DENND2B: variants seen among roughly 807,000 people sequenced by gnomAD.
The protein encoded by DENND2B is DENN domain containing 2B, also known as DENN domain-containing protein 2B.
In DENND2B, 32 loss-of-function variants were observed where a neutral mutation model predicts 116.0. That is an observed-to-expected ratio of 0.28 (90% CI 0.21 to 0.37). DENND2B has a LOEUF of 0.37. Ranked by LOEUF, DENND2B falls within the 10% of genes least tolerant of loss-of-function variation. The probability of loss-of-function intolerance (pLI) is 1.00; values close to 1 mark genes in which losing one functional copy is unlikely to be tolerated. For synonymous variants in DENND2B, 588 were observed against 583.9 expected, an observed-to-expected ratio of 1.01 and a Z score of -0.10; for missense variants, 1,276 against 1,477.7, an observed-to-expected ratio of 0.86 and a Z score of 2.24.
rs555955590 is a variant in DENND2B, at chr11:8,798,236, C to T, written c.-26+12281G>A. On this transcript the variant is annotated intron_variant, in intron 1 of 19. Transcript: ENST00000313726. Reference sequence around the variant, plus strand: ...TAGTTATCTCTACCTCCTCGGCATACAGAACAAAACCTAGAACAGAAGGAA... The same window carrying T: ...TAGTTATCTCTACCTCCTCGGCATATAGAACAAAACCTAGAACAGAAGGAA... 1.1e-3 allele frequency among the ~76,000 whole-genome samples: 166 copies of T among 152,316 alleles called. 1 individual carries two copies. Among genetic ancestry groups the T allele is most frequent in the African/African-American group, 3.8e-3 (157 of 41,576 alleles).
At chr11:8,842,382 A>G (rs1208850603) in intron 3 of DENND2B, among the ~76,000 whole-genome samples, 3 of 152,154 alleles carry the variant, frequency 2.0e-5, no homozygotes, top group African/African-American at 7.2e-5. Context: ...CAGAACATCT[A>G]TTTAATGGTA....
chr11:8,821,015 G>A (rs906988623), intron 4 of DENND2B, among the ~76,000 whole-genome samples: 8 of 151,932 alleles, frequency 5.3e-5, no homozygotes, highest in African/African-American at 1.9e-4. Context: ...CAGCTACTTA[G>A]GAGGCCGAGG....
intron 1 of DENND2B, among the ~76,000 whole-genome samples, chr11:8,766,346 G>T (rs950637286): frequency 2.6e-5 from 4 of 152,066 alleles, no homozygotes; most frequent in African/African-American, 9.7e-5. Context: ...CAGCCCAGGC[G>T]CCTGCACATC....
At chr11:8,801,771 A>G (rs2134417651) in intron 1 of DENND2B, among the ~76,000 whole-genome samples, 1 of 151,426 alleles carries the variant, frequency 6.6e-6, no homozygotes, top group African/African-American at 2.4e-5. Context: ...TGGAAAGCCG[A>G]GGTGGGCGGA....
At chr11:8,904,318 C>T (rs1173063065) in intron 1 of DENND2B, among the ~76,000 whole-genome samples, 1 of 152,104 alleles carries the variant, frequency 6.6e-6, no homozygotes, top group Non-Finnish European at 1.5e-5. Flanking sequence ...GTCTGAAAAA[C>T]TTCAAAAATC....
rs995323000 is a variant in DENND2B at position 8,695,764 on chromosome 11, T to G, written c.3293-215A>C. 58 of 572,258 alleles carry G rather than the reference T, an allele frequency of 1.0e-4. No individual in the cohort carries two copies. In the East Asian group the frequency reaches 1.5e-3, roughly 15 times the overall value. 35.4% of individuals were successfully genotyped at this position (572,258 alleles called of 1,614,324 possible). On this transcript the variant is annotated intron_variant, in intron 18 of 19. Transcript: ENST00000313726. Reference sequence around the variant, plus strand: ...CGGGGTTTGCTGCTGCCACCCTGCCTCCCCATGCACATTCCCAAGCTGCAC... The same window carrying G: ...CGGGGTTTGCTGCTGCCACCCTGCCGCCCCATGCACATTCCCAAGCTGCAC...
rs893466106 is a variant in DENND2B at position 8,726,180 on chromosome 11, C to A, written c.1370G>T (p.Ser457Ile). 5 of 1,612,310 alleles carry A rather than the reference C, an allele frequency of 3.1e-6. No homozygotes were observed. The highest frequency in any genetic ancestry group is 4.2e-6 in the Non-Finnish European group (5 of 1,179,332). The change falls in exon 4 of 20, where the codon AGT becomes ATT. Residue 457 changes from serine to isoleucine, a missense_variant. By Grantham distance (142) the Ser-to-Ile change is moderately radical. This residue lies in a region of DENND2B where 856 missense variants were observed against 846.6 expected (regional missense o/e 1.01). Coordinates refer to ENST00000313726, the MANE Select transcript of DENND2B (RefSeq NM_213618.2). ...RKSFEFEDASSLQSLYPSSPT... is the reference protein window; with the variant it reads ...RKSFEFEDASILQSLYPSSPT... ...AGAAGAGGGGTACAGGGACTGGAGA[C>A]TGGATGCATCCTCAAACTCAAAGGA...
At chr11:8,901,158 C>T (rs2064163043) in intron 1 of DENND2B, among the ~76,000 whole-genome samples, 1 of 151,644 alleles carries the variant, frequency 6.6e-6, no homozygotes, top group South Asian at 2.1e-4. Flanking sequence ...TATACCCTTC[C>T]TCCTGCTTCC....
chr11:8,729,659 G>C (rs562819917), intron 3 of DENND2B, among the ~76,000 whole-genome samples: 1 of 152,254 alleles, frequency 6.6e-6, no homozygotes, highest in South Asian at 2.1e-4. Context: ...GCTACAACAG[G>C]GGCAGGACAC....
At chr11:8,761,605 C>A (rs2054641245) in intron 1 of DENND2B, among the ~76,000 whole-genome samples, 1 of 152,144 alleles carries the variant, frequency 6.6e-6, no homozygotes, top group South Asian at 2.1e-4. Flanking sequence ...GTGTCCCTTG[C>A]CCCCCATTCT....
chr11:8,695,403 A>G (rs2040184213), intron 19 of DENND2B, 60 bp downstream of exon 19: 5 of 1,504,568 alleles, frequency 3.3e-6, no homozygotes, highest in African/African-American at 1.4e-5. Flanking sequence ...CGGGAACACA[A>G]ATCTCCCAGC....
intron 4 of DENND2B, chr11:8,832,451 CAA>C (rs10715263): frequency 1.2e-3 from 123 of 100,636 alleles, no homozygotes; most frequent in East Asian, 6.6e-3. Flanking sequence ...ACTCTGTCTC[CAA>C]AAAAAAAAAA....
rs1408013709 is a variant in DENND2B, at chr11:8,782,811, C to A, written c.-26+27706G>T. 5.5e-5 allele frequency among the ~76,000 whole-genome samples: 8 copies of A among 145,606 alleles called. No homozygotes were observed. In the Admixed American group the frequency reaches 5.7e-4, roughly 10 times the overall value. On this transcript the variant is annotated intron_variant, in intron 1 of 19. Transcript: ENST00000313726. ...CTGAGGCAGGAGAATGGCATGAACC[C>A]AGGAAGCAGAGCTTGCAGTGAGCCG...
Position 8,730,831 on chromosome 11 carries a change from G to A in DENND2B, c.459C>T (p.Thr153=), listed in dbSNP as rs1305933262. ...GGCTGTGGGCGCGGGTACCGGTACG[G>A]GTCAGCAAGACGCCCCGGGGGCCAG... ...PAAGPRGVLL[T]RTGTRAHSLG... is the part of the protein sequence containing the mutation. Residue 153 remains threonine, a synonymous_variant, in exon 3 of 20, where the codon ACC becomes ACT. Transcript: ENST00000313726. The surrounding 1 kb of genome is among the most constrained non-coding windows in gnomAD (Gnocchi z 4.1). 1.2e-6 allele frequency: 2 copies of A among 1,613,250 alleles called. No individual in the cohort carries two copies. Among genetic ancestry groups the A allele is most frequent in the African/African-American group, 1.3e-5 (1 of 75,060 alleles).
intron 1 of DENND2B, among the ~76,000 whole-genome samples, chr11:8,884,124 T>C (rs2063932519): frequency 6.6e-6 from 1 of 152,196 alleles, no homozygotes; most frequent in Admixed American, 6.5e-5. Context: ...CAGAAGTTGC[T>C]CTCTCACTCC....
At chr11:8,828,644 G>A (rs2062071285) in intron 4 of DENND2B, among the ~76,000 whole-genome samples, 2 of 152,116 alleles carry the variant, frequency 1.3e-5, no homozygotes, top group South Asian at 4.1e-4. Context: ...TAGGAAACAA[G>A]GACTCGGAGG....
At chr11:8,797,084 G>C (rs1381090184) in intron 1 of DENND2B, among the ~76,000 whole-genome samples, 1 of 152,210 alleles carries the variant, frequency 6.6e-6, no homozygotes, top group Non-Finnish European at 1.5e-5. Context: ...CAGAGTGGAA[G>C]TGTGGCAAGA....
At position 8,717,732 on chromosome 11, in the gene DENND2B, C is replaced by A. The variant is rs1466744807; in HGVS notation, c.1629+9G>T. 6.5e-7 allele frequency: 1 copy of A among 1,546,786 alleles called. No homozygotes were observed. Among genetic ancestry groups the A allele is most frequent in the Non-Finnish European group, 8.8e-7 (1 of 1,142,616 alleles). On this transcript the variant is annotated intron_variant, in intron 5 of 19. Transcript: ENST00000313726. ...CTAACCCTACAGGCCGATGTCAGGG[C>A]TGAGTTACCTGTGTGGGCGGGCTGT...
rs533077249 is a variant in DENND2B at position 8,877,229 on chromosome 11, G to A, written c.-156+3781C>T. On this transcript the variant is annotated intron_variant, in intron 2 of 22. Transcript: ENST00000534127. Reference sequence around the variant, plus strand: ...TGCCATTCTCCTGCCTTAGCCTCCCGAGTAGCTGGGACTACAGGTGCCCAC... The same window carrying A: ...TGCCATTCTCCTGCCTTAGCCTCCCAAGTAGCTGGGACTACAGGTGCCCAC... 1.2e-3 allele frequency among the ~76,000 whole-genome samples: 172 copies of A among 146,956 alleles called. 1 individual carries two copies. The highest frequency in any genetic ancestry group is 4.0e-3 in the African/African-American group (161 of 39,940).
Sources: allele counts gnomAD v4.1 joint callset (sites outside exome capture counted in the v4.1 genomes callset), GRCh38; gene constraint gnomAD v4.1.1; regional missense constraint gnomAD v4.1.1; non-coding constraint Gnocchi (gnomAD v3.1); transcripts MANE v1.5; gene names NCBI Gene and HGNC (gene_info 2026-07-23, HGNC 2026-07-21).